The following STK32C variants were observed in gnomAD, a reference collection of about 807,000 sequenced individuals.
STK32C encodes serine/threonine kinase 32C.
A neutral mutation model predicts 56.5 loss-of-function variants in STK32C; 31 were observed. That is an observed-to-expected ratio of 0.55 (90% CI 0.41 to 0.74). The LOEUF is 0.74. Among genes scored for constraint, STK32C ranks in the 30% least tolerant of loss-of-function variants. The pLI is 0.00. For missense variants in STK32C, 544 were observed against 676.9 expected, an observed-to-expected ratio of 0.80 and a Z score of 2.18; for synonymous variants, 309 against 289.4, an observed-to-expected ratio of 1.07 and a Z score of -0.69.
Position 132,226,938 on chromosome 10 carries a change from G to A in STK32C, c.501C>T (p.Phe167=), listed in dbSNP as rs752539016. The A allele has an allele frequency of 6.2e-7, 1 of 1,613,424 alleles. No individual in the cohort carries two copies. Among genetic ancestry groups the A allele is most frequent in the Admixed American group, 1.7e-5 (1 of 60,030 alleles). Residue 167 remains phenylalanine (F), a synonymous_variant, in exon 4 of 12, where the codon TTC becomes TTT. Coordinates refer to ENST00000298630, the MANE Select transcript of STK32C (RefSeq NM_173575.4). ...WYSFQDEEDM[F]MVVDLLLGGD... Reference sequence around the variant, plus strand: ...CGCCCAGTAGCAGGTCCACGACCATGAACATGTCCTCCTCGTCCTGGAAGG... The same window carrying A: ...CGCCCAGTAGCAGGTCCACGACCATAAACATGTCCTCCTCGTCCTGGAAGG...
At chr10:132,284,315 G>A (rs1417457373) in intron 1 of STK32C, among the ~76,000 whole-genome samples, 2 of 68,914 alleles carry the variant, frequency 2.9e-5, no homozygotes, top group Non-Finnish European at 5.9e-5. Flanking sequence ...GGTTGGGGGG[G>A]CAGGTGAGGT....
intron 1 of STK32C, among the ~76,000 whole-genome samples, chr10:132,331,147 G>A (rs1215948271): frequency 6.9e-6 from 1 of 144,138 alleles, no homozygotes; most frequent in Non-Finnish European, 1.5e-5. Context: ...GTCGCAGTGG[G>A]CCGAGATCGC....
chr10:132,209,022 C>T lies in STK32C; in HGVS notation c.1319+12G>A, dbSNP rs1565056324. 1.9e-6 allele frequency: 3 copies of T among 1,613,110 alleles called. No individual in the cohort carries two copies. The highest frequency in any genetic ancestry group is 1.7e-6 in the Non-Finnish European group (2 of 1,179,388). ...CTCTGCCACCACGCCCACCCACCCC[C>T]AACACACTCACTTTTCTCTGTTAAA... On this transcript the variant is annotated intron_variant, in intron 11 of 11. Coordinates refer to ENST00000298630, the MANE Select transcript of STK32C (RefSeq NM_173575.4).
At chr10:132,277,409 C>A (rs896581179) in intron 1 of STK32C, among the ~76,000 whole-genome samples, 1 of 152,252 alleles carries the variant, frequency 6.6e-6, no homozygotes, top group African/African-American at 2.4e-5. Flanking sequence ...CCCTGAACAT[C>A]CAGAAACATG....
At chr10:132,318,718 C>T (rs577012879) in intron 1 of STK32C, among the ~76,000 whole-genome samples, 2 of 151,964 alleles carry the variant, frequency 1.3e-5, no homozygotes, top group South Asian at 2.1e-4. Context: ...ATGTGATAAA[C>T]ATTATGAGTC....
chr10:132,227,900 G>A, intron 3 of STK32C, 77 bp downstream of exon 3: 2 of 1,550,920 alleles, frequency 1.3e-6, no homozygotes, highest in Middle Eastern at 1.7e-4. Flanking sequence ...GGAGCACCAA[G>A]GGCAGGAGAG....
chr10:132,258,670 G>A (rs1200982371), intron 1 of STK32C, among the ~76,000 whole-genome samples: 3 of 152,226 alleles, frequency 2.0e-5, no homozygotes, highest in African/African-American at 4.8e-5. Context: ...CCTGGGTACC[G>A]ACTGCTGTCC....
chr10:132,283,366 G>C (rs770194963), intron 1 of STK32C, among the ~76,000 whole-genome samples: 1 of 152,232 alleles, frequency 6.6e-6, no homozygotes, highest in Admixed American at 6.5e-5. Context: ...CTGTGAAGGC[G>C]TTGGCAGAAC....
At chr10:132,268,815 G>C (rs969572978) in intron 1 of STK32C, among the ~76,000 whole-genome samples, 1 of 149,190 alleles carries the variant, frequency 6.7e-6, no homozygotes, top group Non-Finnish European at 1.5e-5. Flanking sequence ...GTGTGTCGGT[G>C]TGTGTGCATG....
At chr10:132,236,960 TAGA>T (rs1419816926) in intron 2 of STK32C, among the ~76,000 whole-genome samples, 2 of 152,162 alleles carry the variant, frequency 1.3e-5, no homozygotes, top group East Asian at 3.9e-4. Flanking sequence ...CTGTAAGTAC[TAGA>T]AGATCTTCAG....
chr10:132,292,619 T>C (rs545416047), intron 1 of STK32C, among the ~76,000 whole-genome samples: 2 of 152,352 alleles, frequency 1.3e-5, no homozygotes, highest in East Asian at 3.9e-4. Context: ...ACTCCCATGC[T>C]TGTGCTCATA....
At chr10:132,311,868 C>T (rs1590485744), upstream of STK32C, among the ~76,000 whole-genome samples, 1 of 152,212 alleles carries the variant, frequency 6.6e-6, no homozygotes, top group Non-Finnish European at 1.5e-5. The surrounding 1 kb of genome is among the most constrained non-coding windows in gnomAD (Gnocchi z 4.4). Context: ...AGGTCACATT[C>T]ACAGGGCCGG....
intron 1 of STK32C, among the ~76,000 whole-genome samples, chr10:132,325,544 G>A (rs1318748100): frequency 6.9e-6 from 1 of 144,490 alleles, no homozygotes; most frequent in Non-Finnish European, 1.5e-5. Context: ...CAGAGCAAGA[G>A]TCCGTCTTAA....
At chr10:132,314,033 G>C (rs985419541) in intron 1 of STK32C, among the ~76,000 whole-genome samples, 1 of 152,154 alleles carries the variant, frequency 6.6e-6, no homozygotes, top group African/African-American at 2.4e-5. Flanking sequence ...GGCCAAGCAG[G>C]GCATCCATGG....
intron 10 of STK32C, among the ~76,000 whole-genome samples, chr10:132,210,288 G>A (rs1035542720): frequency 9.9e-5 from 15 of 152,136 alleles, no homozygotes; most frequent in South Asian, 4.1e-4. Flanking sequence ...TTTTGGTCTC[G>A]CTCTGTCACC....
upstream of STK32C, among the ~76,000 whole-genome samples, chr10:132,309,736 T>G (rs1590480651): frequency 6.6e-6 from 1 of 152,292 alleles, no homozygotes; most frequent in Non-Finnish European, 1.5e-5. Flanking sequence ...GGGCAGTGCC[T>G]GGAACCCTGC....
Position 132,255,514 on chromosome 10 carries a change from A to AC in STK32C, c.263-9560dup, listed in dbSNP as rs1452051609. 6.6e-6 allele frequency among the ~76,000 whole-genome samples: 1 copy of AC among 152,190 alleles called. No individual in the cohort carries two copies. Among genetic ancestry groups the AC allele is most frequent in the Non-Finnish European group, 1.5e-5 (1 of 68,028 alleles). On this transcript the variant is annotated intron_variant, in intron 1 of 11. Transcript: ENST00000298630. This position sits in a 1 kb window ranked among gnomAD's most constrained non-coding sequence, Gnocchi z 4.6. ...GGGACAAGACAGGTGGGGGCTAGAG[A>AC]CAGGCATGAGAGCCGCTGGGCAGGG...
At chr10:132,317,529 T>C (rs530940632) in intron 1 of STK32C, among the ~76,000 whole-genome samples, 1 of 152,342 alleles carries the variant, frequency 6.6e-6, no homozygotes, top group Non-Finnish European at 1.5e-5. Context: ...TTTCTTGAAC[T>C]CAAGCGTTCA....
At chr10:132,304,998 C>G (rs1409594219) in intron 1 of STK32C, among the ~76,000 whole-genome samples, 3 of 152,222 alleles carry the variant, frequency 2.0e-5, no homozygotes, top group Non-Finnish European at 2.9e-5. Context: ...GTACCGGAGC[C>G]TCCTCTCAGG....
Sources: allele counts gnomAD v4.1 joint callset (sites outside exome capture counted in the v4.1 genomes callset), GRCh38; gene constraint gnomAD v4.1.1; non-coding constraint Gnocchi (gnomAD v3.1); transcripts MANE v1.5; gene names NCBI Gene and HGNC (gene_info 2026-07-23, HGNC 2026-07-21).